The following CARS2 variants were observed in gnomAD, a reference collection of about 807,000 sequenced individuals.
CARS2 encodes probable cysteine--tRNA ligase, mitochondrial.
A neutral mutation model predicts 68.8 loss-of-function variants in CARS2; 52 were observed. The observed-to-expected ratio is 0.76, with a 90% confidence interval of 0.61 to 0.95. CARS2 has a LOEUF of 0.95. Ranked by LOEUF, CARS2 falls within the 40% of genes least tolerant of loss-of-function variation. The pLI is 0.00. For missense variants in CARS2, 780 were observed against 754.2 expected (o/e 1.03, Z -0.40); for synonymous variants, 314 against 303.6 (o/e 1.03, Z -0.36).
Position 110,647,088 on chromosome 13 carries a change from G to T in CARS2, c.1193+13C>A. The T allele has an allele frequency of 6.4e-7, 1 of 1,563,392 alleles. No homozygotes were observed. ...GGAGGGGTGCCACGCCGGGTGCTAGGCGGGCCTCTTACCTCTCCCACAGCA... is the reference window on the plus strand; with the variant it reads ...GGAGGGGTGCCACGCCGGGTGCTAGTCGGGCCTCTTACCTCTCCCACAGCA... On this transcript the variant is annotated intron_variant, in intron 11 of 14. Transcript: ENST00000257347.
chr13:110,679,494 C>T (rs940568651), intron 6 of CARS2, among the ~76,000 whole-genome samples: 2 of 150,412 alleles, frequency 1.3e-5, no homozygotes, highest in Non-Finnish European at 2.9e-5. Context: ...CGCGCCATTG[C>T]ACTCCAGCCT....
chr13:110,668,541 CAA>C lies in CARS2; in HGVS notation c.786-1070_786-1069del, dbSNP rs11370567. On this transcript the variant is annotated intron_variant, in intron 7 of 14. Transcript: ENST00000257347. The surrounding 1 kb of genome is among the most constrained non-coding windows in gnomAD (Gnocchi z 4.1). ...TGGGTGACAGAGCGAGACTCCGTCT[CAA>C]AAAAAAAAAAAGATTTTTACATCTT... is the stretch of plus-strand genomic sequence containing the variant. Among the ~76,000 whole-genome samples, 1 of 143,856 alleles carries C rather than the reference CAA, an allele frequency of 7.0e-6. No homozygotes were observed. Among genetic ancestry groups the C allele is most frequent in the Admixed American group, 6.9e-5 (1 of 14,440 alleles). The allele number at this position is 143,856 out of a possible 152,430, so 94.4% of individuals were successfully genotyped here.
intron 7 of CARS2, among the ~76,000 whole-genome samples, chr13:110,674,677 G>C (rs548315361): frequency 6.6e-6 from 1 of 152,152 alleles, no homozygotes; most frequent in Non-Finnish European, 1.5e-5. Context: ...AACACCAAAA[G>C]CAATGGCAAC....
chr13:110,673,285 C>T (rs79013627), intron 7 of CARS2, among the ~76,000 whole-genome samples: 1 of 152,180 alleles, frequency 6.6e-6, no homozygotes, highest in Admixed American at 6.5e-5. Flanking sequence ...ACCAATAGCC[C>T]TGATGAACAT....
At chr13:110,697,586 G>T (rs1051955966) in intron 3 of CARS2, among the ~76,000 whole-genome samples, 3 of 152,284 alleles carry the variant, frequency 2.0e-5, no homozygotes, top group South Asian at 2.1e-4. Context: ...GGGATTACAG[G>T]TGCACACCTC....
chr13:110,654,942 G>GAAAAAAAAAAAAAAAA (rs1555345847), intron 9 of CARS2, among the ~76,000 whole-genome samples: 1 of 99,696 alleles, frequency 1.0e-5, no homozygotes, highest in Non-Finnish European at 1.9e-5. Context: ...AAAAGAAAAA[G>GAAAAAAAAAAAAAAAA]AAAAAAAAAG....
chr13:110,713,339 G>C, exon 1 of CARS2: 1 of 1,110,600 alleles, frequency 9.0e-7, no homozygotes, highest in Non-Finnish European at 1.1e-6. Context: ...GGCCCGTTAG[G>C]TCCTGGTCGG....
At chr13:110,691,727 T>C (rs1272450576) in intron 3 of CARS2, among the ~76,000 whole-genome samples, 1 of 152,128 alleles carries the variant, frequency 6.6e-6, no homozygotes, top group Non-Finnish European at 1.5e-5. Context: ...TCTGGACTTT[T>C]TGGTGTATTC....
chr13:110,669,115 C>T (rs796118124), intron 7 of CARS2, among the ~76,000 whole-genome samples: 3 of 152,190 alleles, frequency 2.0e-5, no homozygotes, highest in South Asian at 4.1e-4. Context: ...TGAGGAATGA[C>T]GGAAGCGTTT....
upstream of CARS2, among the ~76,000 whole-genome samples, chr13:110,707,087 C>T (rs984531582): frequency 6.6e-6 from 1 of 151,114 alleles, no homozygotes; most frequent in African/African-American, 2.4e-5. Flanking sequence ...TAACACACAC[C>T]ATGTCTGCAC....
At chr13:110,644,773 C>T (rs1887864579) in intron 12 of CARS2, 3 of 335,558 alleles carry the variant, frequency 8.9e-6, no homozygotes, top group East Asian at 5.4e-5. Context: ...TGGCAGGTGG[C>T]GCATGGTAGG....
chr13:110,658,888 C>T (rs2062435427), intron 9 of CARS2, among the ~76,000 whole-genome samples: 1 of 152,012 alleles, frequency 6.6e-6, no homozygotes, highest in Non-Finnish European at 1.5e-5. Flanking sequence ...GAGATCACGC[C>T]ACTGTACTCC....
At chr13:110,684,239 C>T (rs2063234088) in intron 5 of CARS2, among the ~76,000 whole-genome samples, 1 of 152,182 alleles carries the variant, frequency 6.6e-6, no homozygotes, top group Non-Finnish European at 1.5e-5. Flanking sequence ...CCTCAGGCCC[C>T]AGGCGTGGGT....
upstream of CARS2, among the ~76,000 whole-genome samples, chr13:110,709,744 ATC>A (rs1296231334): frequency 3.3e-5 from 5 of 152,004 alleles, no homozygotes; most frequent in South Asian, 2.1e-4. Context: ...CATTATATAT[ATC>A]TATATCTCCA....
At chr13:110,713,331 C>T (rs1594449438) in exon 1 of CARS2, 2 of 1,127,318 alleles carry the variant, frequency 1.8e-6, no homozygotes, top group South Asian at 6.7e-5. Context: ...TGTCCCGCGG[C>T]CCGTTAGGTC....
At chr13:110,704,305 AG>A (rs2063875528) in intron 2 of CARS2, among the ~76,000 whole-genome samples, 1 of 152,200 alleles carries the variant, frequency 6.6e-6, no homozygotes, top group Admixed American at 6.5e-5. Flanking sequence ...AAGGTTTTCC[AG>A]GGTGGGGGTT....
intron 3 of CARS2, among the ~76,000 whole-genome samples, chr13:110,692,118 A>C (rs190097000): frequency 0.021 from 3,142 of 148,250 alleles, 134 homozygotes; most frequent in African/African-American, 0.076. Context: ...ATATATACAC[A>C]CACATATATA....
chr13:110,682,999 G>A (rs1205372657), intron 6 of CARS2, 52 bp downstream of exon 6: 2 of 1,335,084 alleles, frequency 1.5e-6, no homozygotes, highest in East Asian at 2.4e-5. Context: ...CCCCAGAGCT[G>A]AGACCCGAGG....
At chr13:110,644,349 A>T (rs1887803516) in intron 13 of CARS2, 36 bp downstream of exon 13, 5 of 1,585,460 alleles carry the variant, frequency 3.2e-6, no homozygotes, top group Non-Finnish European at 4.3e-6. Flanking sequence ...CATGGAGAAA[A>T]TTCCAGAATT....
Sources: gnomAD v4.1 joint callset for allele counts (sites outside exome capture counted in the v4.1 genomes callset) on GRCh38, gnomAD v4.1.1 for gene constraint, Gnocchi (gnomAD v3.1) non-coding constraint, MANE v1.5 for transcripts, NCBI Gene and HGNC (gene_info 2026-07-23, HGNC 2026-07-21) for gene names.